Variants in SPAG16 observed in about 807,000 individuals in gnomAD.
The protein encoded by SPAG16 is sperm-associated antigen 16 protein.
In SPAG16, 86 loss-of-function variants were observed where a neutral mutation model predicts 80.4. The ratio of observed to expected loss-of-function variants is 1.07; its 90% CI spans 0.90 to 1.28. The LOEUF is 1.28. SPAG16 is among the 50% of genes most tolerant of loss of function. The probability of loss-of-function intolerance (pLI) is 0.00; values close to 1 mark genes in which losing one functional copy is unlikely to be tolerated. For missense variants in SPAG16, 870 were observed against 765.3 expected, an observed-to-expected ratio of 1.14 and a Z score of -1.61; for synonymous variants, 294 against 265.9, an observed-to-expected ratio of 1.11 and a Z score of -1.03.
At chr2:213,636,849 TTTTGGATGAG>T (rs1437322484) in intron 10 of SPAG16, among the ~76,000 whole-genome samples, 1 of 152,200 alleles carries the variant, frequency 6.6e-6, no homozygotes, top group Non-Finnish European at 1.5e-5. Context: ...TCTTGGAGCT[TTTTGGATGAG>T]TGTTTAGGGG....
intron 11 of SPAG16, among the ~76,000 whole-genome samples, chr2:213,865,285 C>T (rs960360553): frequency 2.0e-5 from 3 of 151,578 alleles, no homozygotes; most frequent in Admixed American, 6.6e-5. Flanking sequence ...AATTTATGAC[C>T]AAGATTCAAT....
chr2:213,305,447 A>G (rs751315908), intron 3 of SPAG16, among the ~76,000 whole-genome samples: 2 of 152,082 alleles, frequency 1.3e-5, no homozygotes, highest in Non-Finnish European at 2.9e-5. Flanking sequence ...TCTTGGAGGA[A>G]AGGCTTTCAG....
rs542786668 is a variant in SPAG16, at chr2:214,014,954, C to T, written c.1527+877C>T. Among the ~76,000 whole-genome samples the T allele has an allele frequency of 5.7e-4, 87 of 152,190 alleles. No homozygotes were observed. In the South Asian group the frequency reaches 8.5e-3, roughly 15 times the overall value. Reference sequence around the variant, plus strand: ...AGCCAGAAGCCAGAAATAGATACTTCGAGGGAGGAGCAAAGGGAACAGGAA... The same window carrying T: ...AGCCAGAAGCCAGAAATAGATACTTTGAGGGAGGAGCAAAGGGAACAGGAA... On this transcript the variant is annotated intron_variant, in intron 13 of 15. Coordinates refer to ENST00000331683, the MANE Select transcript of SPAG16 (RefSeq NM_024532.5).
At chr2:213,405,221 CT>C (rs1248186584) in intron 9 of SPAG16, among the ~76,000 whole-genome samples, 1 of 152,088 alleles carries the variant, frequency 6.6e-6, no homozygotes, top group African/African-American at 2.4e-5. Flanking sequence ...ATTAAACATC[CT>C]ACAGTTAATT....
intron 10 of SPAG16, among the ~76,000 whole-genome samples, chr2:213,832,624 C>G (rs978457331): frequency 3.3e-5 from 5 of 152,156 alleles, no homozygotes; most frequent in Non-Finnish European, 7.3e-5. Context: ...AGAGAGGAAT[C>G]CTACACAGAG....
intron 10 of SPAG16, among the ~76,000 whole-genome samples, chr2:213,848,235 C>G (rs976535759): frequency 1.3e-5 from 2 of 152,146 alleles, no homozygotes; most frequent in Admixed American, 6.5e-5. Context: ...TTTTCCTACC[C>G]ACAGTGAGTA....
intron 9 of SPAG16, among the ~76,000 whole-genome samples, chr2:213,443,844 T>C (rs1192832314): frequency 6.6e-6 from 1 of 152,194 alleles, no homozygotes; most frequent in Admixed American, 6.5e-5. Context: ...TTTGCAGACC[T>C]GGATTTACCA....
At chr2:214,112,142 G>C (rs2053696777) in intron 14 of SPAG16, among the ~76,000 whole-genome samples, 1 of 152,140 alleles carries the variant, frequency 6.6e-6, no homozygotes, top group East Asian at 1.9e-4. Flanking sequence ...TCTTAATCCT[G>C]AGTTCTAGTT....
chr2:213,869,867 C>G (rs960379410), intron 11 of SPAG16, among the ~76,000 whole-genome samples: 1 of 152,080 alleles, frequency 6.6e-6, no homozygotes, highest in African/African-American at 2.4e-5. Flanking sequence ...AATATTTAAT[C>G]AACTAATGTT....
At chr2:214,214,859 T>C (rs931057989) in intron 15 of SPAG16, among the ~76,000 whole-genome samples, 1 of 151,118 alleles carries the variant, frequency 6.6e-6, no homozygotes, top group African/African-American at 2.4e-5. Flanking sequence ...GAACCTGGCT[T>C]TTTCTACCAT....
chr2:213,859,216 A>AAAAAAAAAAAAAAAAAAAAAAAAAAAC (rs1559528013), intron 10 of SPAG16, among the ~76,000 whole-genome samples: 1 of 91,978 alleles, frequency 1.1e-5, no homozygotes, highest in African/African-American at 4.2e-5. Flanking sequence ...AAAAAAAAAA[A>AAAAAAAAAAAAAAAAAAAAAAAAAAAC]CTCAATGTCC....
At chr2:214,051,612 T>G (rs1420690271) in intron 13 of SPAG16, among the ~76,000 whole-genome samples, 1 of 152,206 alleles carries the variant, frequency 6.6e-6, no homozygotes, top group Non-Finnish European at 1.5e-5. Context: ...ATTAGGCCTT[T>G]TCTATTTATA....
Position 213,866,748 on chromosome 2 carries a change from A to C in SPAG16, c.1214+4120A>C, listed in dbSNP as rs1025954771. ...CAATCCCCAAAGTCAAAACAGGAGC[A>C]AGGGTCCAAGCTAACATCTGTCTAT... On this transcript the variant is annotated intron_variant, in intron 11 of 15. Coordinates refer to ENST00000331683, the MANE Select transcript of SPAG16 (RefSeq NM_024532.5). Among the ~76,000 whole-genome samples the C allele has an allele frequency of 4.6e-5, 7 of 152,314 alleles. No homozygotes were observed. In the South Asian group the frequency reaches 1.2e-3, roughly 27 times the overall value.
At chr2:213,903,313 G>T (rs565223674) in intron 11 of SPAG16, among the ~76,000 whole-genome samples, 80 of 152,326 alleles carry the variant, frequency 5.3e-4, no homozygotes, top group African/African-American at 1.7e-3. Flanking sequence ...GCAAACTTCT[G>T]CCTGGACATC....
intron 15 of SPAG16, among the ~76,000 whole-genome samples, chr2:214,397,495 T>C (rs1400332276): frequency 3.3e-5 from 5 of 152,324 alleles, no homozygotes; most frequent in South Asian, 2.1e-4. Context: ...GCTTGTCTTA[T>C]AGGTGTTCAA....
chr2:213,805,163 G>A (rs1390712895), intron 10 of SPAG16, among the ~76,000 whole-genome samples: 1 of 152,156 alleles, frequency 6.6e-6, no homozygotes, highest in African/African-American at 2.4e-5. Flanking sequence ...CTGACCTGGG[G>A]CTTCTCCCTT....
At position 214,255,170 on chromosome 2, in the gene SPAG16, T is replaced by A. The variant is rs73989407; in HGVS notation, c.1720+105904T>A. Among the ~76,000 whole-genome samples the A allele has an allele frequency of 1.2e-3, 184 of 152,170 alleles. 1 individual carries two copies. The highest frequency in any genetic ancestry group is 4.2e-3 in the African/African-American group (174 of 41,556). ...AAATCAATCATCAGTGAATCCATTA[T>A]CAATCTAATCAGTGTCTATCTGGCA... On this transcript the variant is annotated intron_variant, in intron 15 of 15. Coordinates refer to ENST00000331683, the MANE Select transcript of SPAG16 (RefSeq NM_024532.5).
chr2:213,785,562 CTATT>C (rs1055913743), intron 10 of SPAG16, among the ~76,000 whole-genome samples: 2 of 152,108 alleles, frequency 1.3e-5, no homozygotes, highest in African/African-American at 2.4e-5. Context: ...GCTGACATTT[CTATT>C]TATTAGGTTC....
intron 12 of SPAG16, among the ~76,000 whole-genome samples, chr2:213,941,426 A>C (rs1006946068): frequency 3.9e-5 from 6 of 152,098 alleles, no homozygotes; most frequent in Admixed American, 1.3e-4. Context: ...TTGCATACAT[A>C]TATATTAATT....
Sources: allele counts gnomAD v4.1 joint callset (sites outside exome capture counted in the v4.1 genomes callset), GRCh38; gene constraint gnomAD v4.1.1; transcripts MANE v1.5; gene names NCBI Gene and HGNC (gene_info 2026-07-23, HGNC 2026-07-21).